The following CNIH3 variants were observed in gnomAD, a reference collection of about 807,000 sequenced individuals.
CNIH3 encodes the protein cornichon family AMPA receptor auxiliary protein 3, also known as protein cornichon homolog 3.
In CNIH3, 14 loss-of-function variants were observed where a neutral mutation model predicts 24.1. That is an observed-to-expected ratio of 0.58 (90% CI 0.38 to 0.91). The LOEUF (loss-of-function observed/expected upper bound fraction) is 0.91. CNIH3 is among the 40% of genes least tolerant of loss of function. The probability of loss-of-function intolerance (pLI) is 0.00; values close to 1 mark genes in which losing one functional copy is unlikely to be tolerated. For synonymous variants in CNIH3, 68 were observed against 73.8 expected, an observed-to-expected ratio of 0.92 and a Z score of 0.40; for missense variants, 178 against 196.8, an observed-to-expected ratio of 0.90 and a Z score of 0.57.
intron 1 of CNIH3, among the ~76,000 whole-genome samples, chr1:224,480,693 G>A (rs1445729928): frequency 6.6e-6 from 1 of 152,168 alleles, no homozygotes; most frequent in African/African-American, 2.4e-5. Context: ...AACATAACAA[G>A]AGTCATTTTT....
intron 2 of CNIH3, among the ~76,000 whole-genome samples, chr1:224,527,660 A>G (rs1303059360): frequency 6.6e-6 from 1 of 152,180 alleles, no homozygotes; most frequent in African/African-American, 2.4e-5. Context: ...AGTCATGGAA[A>G]ATTGGCTTGG....
intron 1 of CNIH3, among the ~76,000 whole-genome samples, chr1:224,488,466 T>TGGGGGG (rs60333116): frequency 7.4e-6 from 1 of 134,648 alleles, no homozygotes; most frequent in Non-Finnish European, 1.6e-5. Context: ...AATTTTTTTT[T>TGGGGGG]GGGGGGTGGG....
intron 5 of CNIH3, among the ~76,000 whole-genome samples, chr1:224,586,035 G>C (rs1010179476): frequency 1.3e-5 from 2 of 152,208 alleles, no homozygotes; most frequent in African/African-American, 4.8e-5. Context: ...GGACATCATG[G>C]AGGAAAAAGG....
chr1:224,494,108 C>T (rs1301458543), intron 1 of CNIH3, among the ~76,000 whole-genome samples: 1 of 152,162 alleles, frequency 6.6e-6, no homozygotes, highest in African/African-American at 2.4e-5. Context: ...TTAAATATGT[C>T]TTATCACAGA....
Position 224,722,788 on chromosome 1 carries a change from G to T in CNIH3, c.199-7674G>T, listed in dbSNP as rs562125976. 2.0e-5 allele frequency among the ~76,000 whole-genome samples: 3 copies of T among 152,270 alleles called. No individual in the cohort carries two copies. The South Asian group carries it at 6.2e-4, about 32-fold the overall frequency. On this transcript the variant is annotated intron_variant, in intron 3 of 5. Coordinates refer to ENST00000272133, the MANE Select transcript of CNIH3 (RefSeq NM_152495.2). Reference sequence around the variant, plus strand: ...CTTAAAGAAATGGGTGGGAGGCAGGGTGGGAACAGCCAGGCTGTAGAGCAG... The same window carrying T: ...CTTAAAGAAATGGGTGGGAGGCAGGTTGGGAACAGCCAGGCTGTAGAGCAG...
At chr1:224,697,193 T>C (rs57436829) in intron 3 of CNIH3, among the ~76,000 whole-genome samples, 3,114 of 152,310 alleles carry the variant, frequency 0.02, 97 homozygotes, top group African/African-American at 0.067. Context: ...CAGAGCACCC[T>C]CAGTGCCCAG....
At chr1:224,477,250 TG>T (rs1676625005) in intron 1 of CNIH3, among the ~76,000 whole-genome samples, 1 of 151,118 alleles carries the variant, frequency 6.6e-6, no homozygotes, top group African/African-American at 2.5e-5. Flanking sequence ...TGGTAGTTCT[TG>T]GAGCAAAAGT....
At chr1:224,607,731 C>A (rs573947774) in intron 3 of CNIH3, among the ~76,000 whole-genome samples, 1 of 152,110 alleles carries the variant, frequency 6.6e-6, no homozygotes, top group East Asian at 1.9e-4. Context: ...AGTCTCGGGG[C>A]CTACAAGGAG....
chr1:224,668,211 C>T (rs930884636), intron 1 of CNIH3, among the ~76,000 whole-genome samples: 3 of 152,166 alleles, frequency 2.0e-5, no homozygotes, highest in African/African-American at 4.8e-5. Flanking sequence ...TACAAGCAAC[C>T]GGTCACCTAC....
At chr1:224,435,042 G>T in intron 1 of CNIH3, 1 of 985,634 alleles carries the variant, frequency 1.0e-6, no homozygotes, top group African/African-American at 1.7e-5. Context: ...GGCTCGGCTG[G>T]CTCGACGAGC....
upstream of CNIH3, among the ~76,000 whole-genome samples, chr1:224,614,862 G>A (rs1195126698): frequency 2.6e-5 from 4 of 152,018 alleles, no homozygotes; most frequent in Admixed American, 1.3e-4. Context: ...CAGGAGAATC[G>A]CTTGAACCAG....
intron 3 of CNIH3, among the ~76,000 whole-genome samples, 176 bp downstream of exon 3, chr1:224,685,019 C>G (rs1686586504): frequency 6.6e-6 from 1 of 152,166 alleles, no homozygotes; most frequent in Non-Finnish European, 1.5e-5. Flanking sequence ...CCTCCAGAGA[C>G]AAGAGGAGCT....
intron 2 of CNIH3, among the ~76,000 whole-genome samples, chr1:224,521,838 T>C (rs1678645937): frequency 6.6e-6 from 1 of 152,128 alleles, no homozygotes; most frequent in East Asian, 1.9e-4. Flanking sequence ...CTTTCCCTCA[T>C]CCCCCACCTT....
At chr1:224,494,406 A>G (rs1677351985) in intron 1 of CNIH3, among the ~76,000 whole-genome samples, 1 of 152,182 alleles carries the variant, frequency 6.6e-6, no homozygotes, top group Non-Finnish European at 1.5e-5. Context: ...AATGTATGTC[A>G]GGCAGAAACC....
At chr1:224,687,396 C>A (rs1033221267) in intron 3 of CNIH3, among the ~76,000 whole-genome samples, 7 of 152,044 alleles carry the variant, frequency 4.6e-5, no homozygotes, top group African/African-American at 1.7e-4. Context: ...CCATGCCTGG[C>A]CGACTTTTTT....
intron 1 of CNIH3, among the ~76,000 whole-genome samples, chr1:224,439,414 A>G (rs1369955139): frequency 5.3e-5 from 8 of 152,106 alleles, no homozygotes; most frequent in Non-Finnish European, 1.2e-4. Context: ...TATAAATAAC[A>G]ATGTTGCAGG....
rs558642397 is a variant in CNIH3 at position 224,458,857 on chromosome 1, G to A, written n.203+23995G>A. The stretch of plus-strand genomic sequence containing the variant: ...CCTGTTTGGTCCACAGTTAGGAGAG[G>A]CCCTGCTTGCACTTCTAATACAGTC... On this transcript the variant is annotated intron_variant and non_coding_transcript_variant, in intron 1 of 5. Transcript: ENST00000471578. This position sits in a 1 kb window ranked among gnomAD's most constrained non-coding sequence, Gnocchi z 4.3. Among the ~76,000 whole-genome samples, 14 of 152,158 alleles carry A rather than the reference G, an allele frequency of 9.2e-5. No individual in the cohort carries two copies. Among genetic ancestry groups the A allele is most frequent in the Non-Finnish European group, 2.1e-4 (14 of 68,040 alleles).
upstream of CNIH3, among the ~76,000 whole-genome samples, chr1:224,514,494 T>A (rs1490429482): frequency 6.6e-6 from 1 of 152,212 alleles, no homozygotes; most frequent in Admixed American, 6.5e-5. Context: ...CCATCATAAA[T>A]GGAAAATTGC....
intron 1 of CNIH3, among the ~76,000 whole-genome samples, chr1:224,507,568 T>C (rs1263456873): frequency 6.6e-6 from 1 of 152,216 alleles, no homozygotes; most frequent in Non-Finnish European, 1.5e-5. Flanking sequence ...TGTTAGATGC[T>C]GCAGCCTGAG....
Sources: gnomAD v4.1 joint callset for allele counts (sites outside exome capture counted in the v4.1 genomes callset) on GRCh38, gnomAD v4.1.1 for gene constraint, Gnocchi (gnomAD v3.1) non-coding constraint, MANE v1.5 for transcripts, NCBI Gene and HGNC (gene_info 2026-07-23, HGNC 2026-07-21) for gene names.